The following LINGO2 variants were observed in gnomAD, a reference collection of about 807,000 sequenced individuals.
LINGO2 encodes leucine rich repeat and Ig domain containing 2.
Under a neutral mutation model 30.6 loss-of-function variants are expected in LINGO2, and 14 were observed. The ratio of observed to expected loss-of-function variants is 0.46; its 90% CI spans 0.30 to 0.72. LINGO2 has a LOEUF of 0.72. LINGO2 is among the 30% of genes least tolerant of loss of function. LINGO2 has a pLI of 0.07. For synonymous variants in LINGO2, 317 were observed against 288.5 expected (o/e 1.10, Z -1.00); for missense variants, 729 against 751.7 (o/e 0.97, Z 0.35).
chr9:27,960,861 C>T (rs575621415), intron 5 of LINGO2, among the ~76,000 whole-genome samples: 1 of 151,884 alleles, frequency 6.6e-6, no homozygotes, highest in African/African-American at 2.4e-5. Flanking sequence ...CATTTCTTGC[C>T]TTATTCTGAT....
chr9:28,448,628 A>C (rs763601114), intron 2 of LINGO2, among the ~76,000 whole-genome samples: 1 of 152,074 alleles, frequency 6.6e-6, no homozygotes, highest in Non-Finnish European at 1.5e-5. Context: ...AAGTGAGAAA[A>C]TGGAAAGGCC....
chr9:28,489,084 T>C (rs1163426454), intron 1 of LINGO2, among the ~76,000 whole-genome samples: 1 of 152,190 alleles, frequency 6.6e-6, no homozygotes, highest in African/African-American at 2.4e-5. Context: ...ATGATGCATA[T>C]AGGGTAGAGG....
At chr9:29,057,027 G>T in the LINGO2 span, among the ~76,000 whole-genome samples, 1 of 152,212 alleles carries the variant, frequency 6.6e-6, no homozygotes, top group East Asian at 1.9e-4. Flanking sequence ...GATGCCTCCA[G>T]ATCTGTTCTA....
chr9:28,230,850 TG>T (rs1821330242), intron 4 of LINGO2, among the ~76,000 whole-genome samples: 1 of 151,966 alleles, frequency 6.6e-6, no homozygotes, highest in African/African-American at 2.4e-5. Context: ...GTCTTAAATA[TG>T]TTTTATAAAT....
At chr9:29,176,711 C>T in the LINGO2 span, among the ~76,000 whole-genome samples, 57 of 152,224 alleles carry the variant, frequency 3.7e-4, 1 homozygote, top group South Asian at 6.2e-4. Context: ...AGGCAATGTA[C>T]TAGGAAGTAC....
the LINGO2 span, among the ~76,000 whole-genome samples, chr9:28,914,292 A>T: frequency 4.4e-4 from 67 of 152,310 alleles, no homozygotes; most frequent in African/African-American, 1.5e-3. Flanking sequence ...CAGACCAGAT[A>T]AAAGTATCTT....
At chr9:28,847,060 C>G in the LINGO2 span, among the ~76,000 whole-genome samples, 2 of 145,420 alleles carry the variant, frequency 1.4e-5, no homozygotes, top group South Asian at 2.1e-4. Flanking sequence ...TTCAGTAGCC[C>G]CAACAAGCTA....
the LINGO2 span, among the ~76,000 whole-genome samples, chr9:28,713,100 G>A: frequency 2.0e-5 from 3 of 151,974 alleles, no homozygotes; most frequent in African/African-American, 7.2e-5. Flanking sequence ...TCCTGACCTC[G>A]TGATCAACCC....
chr9:28,321,794 C>T (rs562613851), intron 3 of LINGO2, among the ~76,000 whole-genome samples: 8 of 152,068 alleles, frequency 5.3e-5, no homozygotes, highest in South Asian at 2.1e-4. Flanking sequence ...TGGGTTGGGA[C>T]AAGGTCAGGG....
chr9:28,193,374 A>T (rs1819890340), intron 4 of LINGO2, among the ~76,000 whole-genome samples: 1 of 152,144 alleles, frequency 6.6e-6, no homozygotes, highest in Admixed American at 6.5e-5. Context: ...AGTGAAATTA[A>T]TTTTTATTTT....
intron 1 of LINGO2, among the ~76,000 whole-genome samples, chr9:28,486,236 T>C (rs1458608709): frequency 6.6e-6 from 1 of 152,128 alleles, no homozygotes; most frequent in East Asian, 1.9e-4. Flanking sequence ...TTGTTTGGCC[T>C]AATTATTTTC....
intron 2 of LINGO2, among the ~76,000 whole-genome samples, chr9:28,373,270 T>G (rs1820975367): frequency 6.6e-6 from 1 of 152,170 alleles, no homozygotes; most frequent in Admixed American, 6.5e-5. Flanking sequence ...TATTTTAAGG[T>G]GCTATTACAA....
At chr9:28,254,885 ATTAG>A (rs1221144230) in intron 4 of LINGO2, among the ~76,000 whole-genome samples, 1 of 152,074 alleles carries the variant, frequency 6.6e-6, no homozygotes, top group Non-Finnish European at 1.5e-5. Flanking sequence ...CCCAGTATGC[ATTAG>A]TTATTTTTCC....
chr9:28,149,987 T>C (rs1270266674), intron 4 of LINGO2, among the ~76,000 whole-genome samples: 1 of 110,240 alleles, frequency 9.1e-6, no homozygotes, highest in Non-Finnish European at 1.9e-5. Flanking sequence ...GCCTCTGCCT[T>C]GCCGCTGTCC....
intron 4 of LINGO2, among the ~76,000 whole-genome samples, chr9:28,013,282 T>C (rs552274659): frequency 6.1e-4 from 93 of 152,320 alleles, no homozygotes; most frequent in Non-Finnish European, 1.1e-3. Context: ...TTCACTCTTA[T>C]TCACCTTTTC....
At chr9:28,022,029 C>G (rs1823152261) in intron 4 of LINGO2, among the ~76,000 whole-genome samples, 1 of 151,864 alleles carries the variant, frequency 6.6e-6, no homozygotes, top group African/African-American at 2.4e-5. Context: ...ATATTTGTTA[C>G]ATTTGTTCTT....
intron 1 of LINGO2, among the ~76,000 whole-genome samples, chr9:28,609,826 C>A (rs10968672): frequency 0.3 from 45,461 of 151,804 alleles, 7,005 homozygotes; most frequent in Admixed American, 0.39. Context: ...GAACACAAAA[C>A]CCTAGGAAAA....
intron 4 of LINGO2, among the ~76,000 whole-genome samples, chr9:28,071,859 A>G (rs1164674734): frequency 1.3e-5 from 2 of 152,208 alleles, no homozygotes; most frequent in Admixed American, 6.5e-5. Context: ...TTATTATTGC[A>G]GAGTGAAAAC....
intron 4 of LINGO2, among the ~76,000 whole-genome samples, chr9:28,169,338 A>T (rs551307760): frequency 2.2e-4 from 34 of 152,296 alleles, no homozygotes; most frequent in South Asian, 1.0e-3. Flanking sequence ...AGGTAAAAAA[A>T]TTTTTATAGG....
Sources: gnomAD v4.1 joint callset for allele counts (sites outside exome capture counted in the v4.1 genomes callset) on GRCh38, gnomAD v4.1.1 for gene constraint, MANE v1.5 for transcripts, NCBI Gene and HGNC (gene_info 2026-07-23, HGNC 2026-07-21) for gene names.